The following CBR3 variants were observed in gnomAD, a reference collection of about 807,000 sequenced individuals.
CBR3 encodes carbonyl reductase 3.
In CBR3, 14 loss-of-function variants were observed where a neutral mutation model predicts 11.6. That is an observed-to-expected ratio of 1.20 (90% confidence interval 0.79 to 1.88). The LOEUF (loss-of-function observed/expected upper bound fraction) is 1.88. Among genes scored for constraint, CBR3 ranks in the 40% most tolerant of loss-of-function variants. The probability of loss-of-function intolerance (pLI) is 0.00; values close to 1 mark genes in which losing one functional copy is unlikely to be tolerated. For synonymous variants in CBR3, 125 were observed against 145.6 expected (o/e 0.86, Z 1.02); for missense variants, 308 against 357.3 (o/e 0.86, Z 1.11).
In CBR3 at chr21:36,135,486, G is replaced by C; in HGVS notation, c.289+5G>C. ...ACGCGGCCGTCGCCTTCAAGAGTAG[G>C]TGCAGGGCTTGGGTTGGGGCCCCCT... On this transcript the variant is annotated splice_donor_5th_base_variant and intron_variant, in intron 1 of 2. Transcript: ENST00000290354. The C allele has an allele frequency of 6.2e-7, 1 of 1,604,300 alleles. No individual in the cohort carries two copies. Among genetic ancestry groups the C allele is most frequent in the African/African-American group, 1.3e-5 (1 of 74,810 alleles).
intron 1 of CBR3, among the ~76,000 whole-genome samples, 171 bp from the exon 2 acceptor site, chr21:36,137,654 C>T (rs12626189): frequency 0.35 from 53,703 of 151,890 alleles, 10,666 homozygotes; most frequent in Non-Finnish European, 0.44. Context: ...ACAGGCTCTA[C>T]AAGTGATTCG....
At chr21:36,141,295 C>T (rs1236041496) in intron 2 of CBR3, 1 of 150,588 alleles carries the variant, frequency 6.6e-6, no homozygotes, top group East Asian at 1.9e-4. Flanking sequence ...ACGCATCTGA[C>T]CTACCAAACA....
Position 36,135,292 on chromosome 21 carries a change from G to C in CBR3, c.100G>C (p.Val34Leu). Residue 34 changes from valine to leucine, a missense_variant, in exon 1 of 3, where the codon GTG (valine) becomes CTG (leucine). By Grantham distance (32) the Val-to-Leu change is conservative. Coordinates refer to ENST00000290354, the MANE Select transcript of CBR3 (RefSeq NM_001236.4). ...ELCRQFSGDV[V>L]LTARDVARGQ... is the part of the protein sequence containing the mutation. ...GTGCCGACAGTTCTCTGGGGATGTG[G>C]TGCTCACCGCGCGGGACGTGGCGCG... is the stretch of plus-strand genomic sequence containing the variant. 1 of 1,609,368 alleles carries C rather than the reference G, an allele frequency of 6.2e-7. No individual in the cohort carries two copies. Among genetic ancestry groups the C allele is most frequent in the Non-Finnish European group, 8.5e-7 (1 of 1,178,452 alleles).
At chr21:36,141,942 C>T in intron 2 of CBR3, 2 of 983,678 alleles carry the variant, frequency 2.0e-6, no homozygotes, top group Non-Finnish European at 2.4e-6. Context: ...TTTCTGAGAA[C>T]AAAGCTGTTT....
intron 2 of CBR3, among the ~76,000 whole-genome samples, chr21:36,139,890 T>TTTTTC (rs1221147099): frequency 7.0e-6 from 1 of 142,040 alleles, no homozygotes; most frequent in African/African-American, 2.6e-5. Flanking sequence ...CCTTTTTTTT[T>TTTTTC]TTTTTTTTTT....
intron 1 of CBR3, chr21:36,137,366 C>T (rs2123337371): frequency 6.4e-6 from 1 of 156,454 alleles, no homozygotes; most frequent in African/African-American, 2.4e-5. Flanking sequence ...ATCCCAGCTA[C>T]TCCAGAGGCT....
chr21:36,142,411 G>A (rs2123347927), intron 2 of CBR3, among the ~76,000 whole-genome samples: 1 of 72,796 alleles, frequency 1.4e-5, no homozygotes, highest in Admixed American at 2.0e-4. Flanking sequence ...CAGCCTAGGT[G>A]ACAGAGCGAG....
intron 2 of CBR3, chr21:36,138,495 T>C (rs1432849629): frequency 6.6e-6 from 1 of 152,566 alleles, no homozygotes; most frequent in East Asian, 1.9e-4. Flanking sequence ...ACAATGCTTT[T>C]GGGATCCATG....
chr21:36,144,232 G>A (rs1162021429), intron 2 of CBR3, among the ~76,000 whole-genome samples: 4 of 152,050 alleles, frequency 2.6e-5, no homozygotes, highest in Admixed American at 6.6e-5. Flanking sequence ...CAAAGCGGGC[G>A]GATCTCTTGA....
chr21:36,135,211 G>T lies in CBR3; in HGVS notation c.19G>T (p.Val7Leu). 6.6e-7 allele frequency: 1 copy of T among 1,511,038 alleles called. No individual in the cohort carries two copies. The allele number at this position is 1,511,038 out of a possible 1,614,324, so 93.6% of individuals were successfully genotyped here. Residue 7 changes from valine (V) to leucine (L), a missense_variant, in exon 1 of 3, where the codon GTG (valine) becomes TTG (leucine). Physicochemically the swap from Val to Leu is conservative, Grantham distance 32. Transcript: ENST00000290354. MSSCSR[V>L]ALVTGANRGI... ...CTCAGCCATGTCGTCCTGCAGCCGC[G>T]TGGCGCTGGTGACCGGGGCCAACAG...
intron 2 of CBR3, among the ~76,000 whole-genome samples, chr21:36,143,475 A>AT (rs1471230134): frequency 6.6e-6 from 1 of 152,186 alleles, no homozygotes; most frequent in East Asian, 1.9e-4. Flanking sequence ...TTTGGCCTAC[A>AT]TATTTGTTTC....
chr21:36,140,831 C>A (rs1233249902), intron 2 of CBR3, among the ~76,000 whole-genome samples: 6 of 151,814 alleles, frequency 4.0e-5, no homozygotes, highest in African/African-American at 1.2e-4. Flanking sequence ...CACGGTGAAA[C>A]CCCATCTCTA....
rs1555882900 is a variant in CBR3, at chr21:36,138,132, AGTTTT to A, written c.397+210_397+214del. On this transcript the variant is annotated intron_variant, in intron 2 of 2. Transcript: ENST00000290354. The stretch of plus-strand genomic sequence containing the variant: ...AGTTTAGTTTAGTTTAGTTTAGTTT[AGTTTT>A]GTTTTGTTTGGCAGTGGGGTGGGTG... Among the ~76,000 whole-genome samples, 1,038 of 149,060 alleles carry A rather than the reference AGTTTT, an allele frequency of 7.0e-3. 13 individuals are homozygous for A. The highest frequency in any genetic ancestry group is 0.024 in the African/African-American group (994 of 41,054).
intron 1 of CBR3, among the ~76,000 whole-genome samples, chr21:36,137,554 GGAAGGAAA>G (rs1441394091): frequency 3.0e-5 from 3 of 101,690 alleles, no homozygotes; most frequent in Non-Finnish European, 4.4e-5. Context: ...AAGGAAGGAA[GGAAGGAAA>G]GAAAATGCAA....
intron 1 of CBR3, 41 bp from the exon 2 acceptor site, chr21:36,137,784 A>T: frequency 1.7e-6 from 2 of 1,190,838 alleles, no homozygotes; most frequent in Non-Finnish European, 2.5e-6. Context: ...TTTCAGGGGG[A>T]AAAATATGAC....
intron 2 of CBR3, chr21:36,145,063 C>T (rs1568983325): frequency 6.6e-6 from 1 of 152,212 alleles, no homozygotes; most frequent in African/African-American, 2.4e-5. Flanking sequence ...AAGATTGTGC[C>T]ACTGCACTCC....
At chr21:36,139,539 G>A (rs192742322) in intron 2 of CBR3, among the ~76,000 whole-genome samples, 2 of 151,998 alleles carry the variant, frequency 1.3e-5, no homozygotes, top group East Asian at 1.9e-4. Flanking sequence ...GTGCCGCTAC[G>A]CCCGGCTAAT....
At position 36,137,955 on chromosome 21, in the gene CBR3, C is replaced by T. The variant is rs201095478; in HGVS notation, c.397+23C>T. 3.9e-5 allele frequency: 50 copies of T among 1,292,166 alleles called. No homozygotes were observed. The East Asian group carries it at 1.0e-3, about 27-fold the overall frequency. The allele number at this position is 1,292,166 out of a possible 1,614,324, so 80.0% of individuals were successfully genotyped here. A position where few individuals can be genotyped will look rare whatever the true frequency, so the allele number is the denominator to read the frequency against. On this transcript the variant is annotated intron_variant, in intron 2 of 2. Coordinates refer to ENST00000290354, the MANE Select transcript of CBR3 (RefSeq NM_001236.4). ...ATGGTAAGCCCAACGTGTGGACAGT[C>T]GGGTTGCATCCCTCAGTAAGAAGTG...
At chr21:36,145,985 G>T (rs1022445489) in intron 2 of CBR3, 91 bp from the exon 3 acceptor site, 4 of 715,498 alleles carry the variant, frequency 5.6e-6, no homozygotes, top group Admixed American at 3.1e-5. Context: ...AAAAAAACCT[G>T]CACCAAGACT....
Sources: gnomAD v4.1 joint callset for allele counts (sites outside exome capture counted in the v4.1 genomes callset) on GRCh38, gnomAD v4.1.1 for gene constraint, MANE v1.5 for transcripts, NCBI Gene and HGNC (gene_info 2026-07-23, HGNC 2026-07-21) for gene names.